The following HTR7 variants were observed in gnomAD, a reference collection of about 807,000 sequenced individuals.
The protein encoded by HTR7 is 5-hydroxytryptamine receptor 7.
HTR7 carries 16 observed loss-of-function variants against 34.0 expected under a neutral mutation model. The observed-to-expected ratio is 0.47, with a 90% CI of 0.32 to 0.71. The LOEUF (loss-of-function observed/expected upper bound fraction) is 0.71. HTR7 is among the 30% of genes least tolerant of loss of function. HTR7 has a pLI of 0.04. For missense variants in HTR7, 504 were observed against 625.5 expected (o/e 0.81, Z 2.07); for synonymous variants, 265 against 260.2 (o/e 1.02, Z -0.18).
At chr10:90,844,690 G>A (rs1436602751) in intron 1 of HTR7, among the ~76,000 whole-genome samples, 3 of 117,388 alleles carry the variant, frequency 2.6e-5, no homozygotes, top group African/African-American at 1.0e-4. Flanking sequence ...TTGTGCCACT[G>A]CACTCCAGCC....
rs183976126 is a variant in HTR7, at chr10:90,778,619, C to T, written c.540-29025G>A. On this transcript the variant is annotated intron_variant, in intron 1 of 3. Coordinates refer to ENST00000336152, the MANE Select transcript of HTR7 (RefSeq NM_019859.4). ...AAGACATCCTAAAACAGAGACTGTA[C>T]TAAACGAAAAGTCCCACTGCTATGA... Among the ~76,000 whole-genome samples the T allele has an allele frequency of 7.4e-4, 113 of 152,268 alleles. 1 individual carries two copies. The highest frequency in any genetic ancestry group is 1.2e-3 in the Non-Finnish European group (85 of 68,010).
intron 1 of HTR7, among the ~76,000 whole-genome samples, chr10:90,816,796 C>T (rs1363907290): frequency 3.9e-5 from 6 of 152,138 alleles, no homozygotes; most frequent in East Asian, 1.9e-4. Context: ...CCTCTAAGCC[C>T]GGGGACTATC....
chr10:90,847,224 T>C (rs1001249119), intron 1 of HTR7, among the ~76,000 whole-genome samples: 1 of 152,094 alleles, frequency 6.6e-6, no homozygotes, highest in Non-Finnish European at 1.5e-5. Context: ...CCTCACAATG[T>C]TGTAGAGGGG....
chr10:90,789,384 C>T (rs946329071), intron 1 of HTR7, among the ~76,000 whole-genome samples: 4 of 152,116 alleles, frequency 2.6e-5, no homozygotes, highest in African/African-American at 9.7e-5. Flanking sequence ...ATAACAAGGT[C>T]TCTGGTTTTA....
chr10:90,753,912 T>C (rs1401224502), intron 1 of HTR7, among the ~76,000 whole-genome samples: 1 of 152,086 alleles, frequency 6.6e-6, no homozygotes. Flanking sequence ...ACTGGGTGTA[T>C]GCTTGTGTGA....
chr10:90,840,177 T>TCTCTCACACA (rs1478516123), intron 1 of HTR7, among the ~76,000 whole-genome samples: 297 of 136,876 alleles, frequency 2.2e-3, no homozygotes, highest in Middle Eastern at 7.2e-3. Context: ...TCTCTCTCTC[T>TCTCTCACACA]CACACACACA....
At chr10:90,808,704 C>T (rs1049588625) in intron 1 of HTR7, among the ~76,000 whole-genome samples, 2 of 152,026 alleles carry the variant, frequency 1.3e-5, no homozygotes, top group Admixed American at 6.5e-5. Flanking sequence ...CTATGGGCAA[C>T]CTTCCACCCT....
intron 1 of HTR7, among the ~76,000 whole-genome samples, chr10:90,819,699 A>T (rs1045742257): frequency 6.6e-6 from 1 of 152,172 alleles, no homozygotes; most frequent in Non-Finnish European, 1.5e-5. Context: ...CTTAGAACAA[A>T]ACCTTGCAAT....
At chr10:90,854,723 AAGAAAAATGAAAGGTTCCATTTT>A (rs1846553510) in intron 1 of HTR7, among the ~76,000 whole-genome samples, 1 of 152,214 alleles carries the variant, frequency 6.6e-6, no homozygotes, top group Non-Finnish European at 1.5e-5. Flanking sequence ...GGGAGTGGTT[AAGAAAAATGAAAGGTTCCATTTT>A]AGACAGGCTA....
chr10:90,742,298 GA>G lies in HTR7; in HGVS notation c.*183del. 1 of 509,242 alleles carries G rather than the reference GA, an allele frequency of 2.0e-6. No individual in the cohort carries two copies. The highest frequency in any genetic ancestry group is 2.8e-5 in the South Asian group (1 of 35,382). 31.5% of individuals were successfully genotyped at this position (509,242 alleles called of 1,614,324 possible). On this transcript the variant is annotated 3_prime_UTR_variant, in exon 4 of 4. Transcript: ENST00000336152. Reference sequence around the variant, plus strand: ...GAACACACAATAGCACTGATCCACAGAAAAAAGGAGAAGTCACCATCTCCCT... The same window carrying G: ...GAACACACAATAGCACTGATCCACAGAAAAAGGAGAAGTCACCATCTCCCT...
chr10:90,764,098 C>G (rs1396248753), intron 1 of HTR7, among the ~76,000 whole-genome samples: 1 of 152,204 alleles, frequency 6.6e-6, no homozygotes, highest in Non-Finnish European at 1.5e-5. Context: ...ATTCCTATTT[C>G]TCCACAGGCT....
chr10:90,771,702 C>G (rs945449750), intron 1 of HTR7, among the ~76,000 whole-genome samples: 1 of 152,200 alleles, frequency 6.6e-6, no homozygotes, highest in African/African-American at 2.4e-5. Context: ...CACATTCACT[C>G]ACACACCCCT....
Position 90,770,080 on chromosome 10 carries a change from C to G in HTR7, c.540-20486G>C, listed in dbSNP as rs561132124. On this transcript the variant is annotated intron_variant, in intron 1 of 3. Coordinates refer to ENST00000336152, the MANE Select transcript of HTR7 (RefSeq NM_019859.4). The stretch of plus-strand genomic sequence containing the variant: ...CTTGCGCAGCCAGACGGAACCTGCC[C>G]CCAGGCCCACAGCCTCCAGGACTCT... 7.9e-5 allele frequency among the ~76,000 whole-genome samples: 12 copies of G among 152,360 alleles called. No homozygotes were observed. In the East Asian group the frequency reaches 2.3e-3, roughly 29 times the overall value.
chr10:90,744,605 G>A (rs111458439), intron 2 of HTR7, among the ~76,000 whole-genome samples: 2 of 151,834 alleles, frequency 1.3e-5, no homozygotes, highest in African/African-American at 4.8e-5. Context: ...TTGCTGGCCT[G>A]TATACTGTAA....
At chr10:90,794,696 T>A (rs1845512307) in intron 1 of HTR7, among the ~76,000 whole-genome samples, 1 of 152,014 alleles carries the variant, frequency 6.6e-6, no homozygotes, top group Non-Finnish European at 1.5e-5. Flanking sequence ...AGGGATAGGG[T>A]CTCCCTGTGT....
At chr10:90,853,448 G>A (rs188193875) in intron 1 of HTR7, among the ~76,000 whole-genome samples, 4 of 150,168 alleles carry the variant, frequency 2.7e-5, no homozygotes, top group African/African-American at 9.8e-5. Flanking sequence ...ACCATGCCTG[G>A]CTTTTTTGTT....
chr10:90,795,950 G>A (rs1432952886), intron 1 of HTR7, among the ~76,000 whole-genome samples: 1 of 152,170 alleles, frequency 6.6e-6, no homozygotes, highest in Non-Finnish European at 1.5e-5. Context: ...TTATCATAAG[G>A]AGTTATAGAG....
intron 1 of HTR7, among the ~76,000 whole-genome samples, chr10:90,855,334 G>A (rs1846561997): frequency 1.3e-5 from 2 of 152,236 alleles, no homozygotes; most frequent in South Asian, 4.1e-4. Flanking sequence ...TTTAGCTCAT[G>A]TATAGGAATC....
At position 90,749,674 on chromosome 10, in the gene HTR7, C is replaced by T; in HGVS notation, c.540-80G>A. On this transcript the variant is annotated intron_variant, in intron 1 of 3. Coordinates refer to ENST00000336152, the MANE Select transcript of HTR7 (RefSeq NM_019859.4). The surrounding 1 kb of genome is among the most constrained non-coding windows in gnomAD (Gnocchi z 4.2). ...CAAGCAAGTCCTGCCAGCCAGGTAC[C>T]AGCGCCAGTCCTCGCAACAGCCCTT... 7.3e-7 allele frequency: 1 copy of T among 1,368,204 alleles called. No individual in the cohort carries two copies. The highest frequency in any genetic ancestry group is 1.0e-6 in the Non-Finnish European group (1 of 998,498). 84.8% of individuals were successfully genotyped at this position (1,368,204 alleles called of 1,614,324 possible).
Sources: allele counts gnomAD v4.1 joint callset (sites outside exome capture counted in the v4.1 genomes callset), GRCh38; gene constraint gnomAD v4.1.1; non-coding constraint Gnocchi (gnomAD v3.1); transcripts MANE v1.5; gene names NCBI Gene and HGNC (gene_info 2026-07-23, HGNC 2026-07-21).